Variants in BAZ1A observed in about 807,000 individuals in gnomAD.
BAZ1A encodes the protein bromodomain adjacent to zinc finger domain protein 1A.
A neutral mutation model predicts 185.2 loss-of-function variants in BAZ1A; 50 were observed. The ratio of observed to expected loss-of-function variants is 0.27; its 90% CI spans 0.22 to 0.34. The LOEUF is 0.34. Among genes scored for constraint, BAZ1A ranks in the 10% least tolerant of loss-of-function variants. The pLI is 1.00. For synonymous variants in BAZ1A, 571 were observed against 615.6 expected, an observed-to-expected ratio of 0.93 and a Z score of 1.07; for missense variants, 1,356 against 1,839.9, an observed-to-expected ratio of 0.74 and a Z score of 4.81.
At chr14:34,869,207 A>AAAAT (rs949478628) in intron 2 of BAZ1A, among the ~76,000 whole-genome samples, 7 of 151,974 alleles carry the variant, frequency 4.6e-5, no homozygotes, top group East Asian at 1.9e-4. Context: ...ACTCCGTCTC[A>AAAAT]AAATAAATAA....
chr14:34,780,050 G>T, intron 17 of BAZ1A, 136 bp downstream of exon 17: 2 of 1,093,162 alleles, frequency 1.8e-6, no homozygotes, highest in Non-Finnish European at 2.7e-6. Flanking sequence ...CTATGAGGTG[G>T]GCATTTAAAA....
chr14:34,850,282 G>A (rs1018659904), intron 3 of BAZ1A, among the ~76,000 whole-genome samples: 8 of 152,130 alleles, frequency 5.3e-5, no homozygotes, highest in Non-Finnish European at 1.2e-4. Context: ...GGAGGCTGAG[G>A]TGGGAGAATT....
At chr14:34,848,166 T>G (rs1342565137) in intron 3 of BAZ1A, among the ~76,000 whole-genome samples, 1 of 152,136 alleles carries the variant, frequency 6.6e-6, no homozygotes, top group African/African-American at 2.4e-5. Context: ...CCAGCTAATT[T>G]TCTTTTACTT....
In BAZ1A at chr14:34,830,981, C is replaced by T. The variant is rs761565169; in HGVS notation, c.393-4825G>A. Among the ~76,000 whole-genome samples the T allele has an allele frequency of 2.6e-5, 4 of 151,926 alleles. No individual in the cohort carries two copies. In the South Asian group the frequency reaches 8.3e-4, roughly 32 times the overall value. ...CATGTTGGCCAGGCTGCAGCCTCTA[C>T]AACTCTTATGCAATCCTGGGGAAGG... On this transcript the variant is annotated intron_variant, in intron 3 of 26. Transcript: ENST00000360310.
chr14:34,783,949 T>G (rs1880229432), intron 14 of BAZ1A, 22 bp from the exon 15 acceptor site: 2 of 1,563,302 alleles, frequency 1.3e-6, no homozygotes, highest in African/African-American at 2.8e-5. Flanking sequence ...TGGTAAATAC[T>G]TCTGTATTAT....
intron 20 of BAZ1A, among the ~76,000 whole-genome samples, chr14:34,773,127 C>A (rs1186272962): frequency 6.6e-6 from 1 of 152,182 alleles, no homozygotes; most frequent in Non-Finnish European, 1.5e-5. Flanking sequence ...CCAGGCTGGT[C>A]TCCAACTCCC....
rs1555336962 is a variant in BAZ1A at position 34,759,184 on chromosome 14, T to TTTTGTTTTTTTTG, written c.4244-339_4244-338insCAAAAAAAACAAA. ...TTTACAGCTACAGTTTTTTTTTTTT[T>TTTTGTTTTTTTTG]TTTTTTTTTTTTTTGAGATGGAGTC... On this transcript the variant is annotated intron_variant, in intron 24 of 26. Transcript: ENST00000360310. 6.5e-5 allele frequency among the ~76,000 whole-genome samples: 7 copies of TTTTGTTTTTTTTG among 108,108 alleles called. 1 individual carries two copies. The South Asian group carries it at 1.1e-3, about 17-fold the overall frequency. The allele number at this position is 108,108 out of a possible 152,430, so 70.9% of individuals were successfully genotyped here.
intron 23 of BAZ1A, among the ~76,000 whole-genome samples, chr14:34,763,048 A>T (rs1173671349): frequency 6.6e-6 from 1 of 152,196 alleles, no homozygotes; most frequent in East Asian, 1.9e-4. Flanking sequence ...ATACCACGCC[A>T]AGAACCTCTC....
chr14:34,800,582 A>G (rs1376236118), intron 8 of BAZ1A, among the ~76,000 whole-genome samples, 192 bp from the exon 9 acceptor site: 2 of 152,200 alleles, frequency 1.3e-5, no homozygotes, highest in Non-Finnish European at 2.9e-5. Context: ...ATGACAAACT[A>G]CAGTACTGGG....
chr14:34,809,079 A>G (rs1186485160), intron 5 of BAZ1A, among the ~76,000 whole-genome samples: 1 of 152,188 alleles, frequency 6.6e-6, no homozygotes, highest in Non-Finnish European at 1.5e-5. Flanking sequence ...CTTCATTTAC[A>G]TTGTATTAGG....
At chr14:34,856,289 C>CTTTTTTTT (rs10707416) in intron 3 of BAZ1A, among the ~76,000 whole-genome samples, 1 of 134,508 alleles carries the variant, frequency 7.4e-6, no homozygotes, top group Non-Finnish European at 1.6e-5. Context: ...TCAAGAGCAT[C>CTTTTTTTT]TTTTTTTTTT....
At chr14:34,857,981 T>G (rs972904512) in intron 3 of BAZ1A, among the ~76,000 whole-genome samples, 3 of 152,236 alleles carry the variant, frequency 2.0e-5, no homozygotes, top group African/African-American at 7.2e-5. Flanking sequence ...TTGTTTTGCA[T>G]TATTTATACT....
At chr14:34,756,466 ATTTTTTTT>A (rs1158606061) in intron 25 of BAZ1A, among the ~76,000 whole-genome samples, 43 of 79,012 alleles carry the variant, frequency 5.4e-4, no homozygotes, top group East Asian at 1.6e-3. Flanking sequence ...CAGAATACCT[ATTTTTTTT>A]TTTTTTTTTT....
chr14:34,871,676 C>T (rs966446778), intron 2 of BAZ1A, among the ~76,000 whole-genome samples: 3 of 152,222 alleles, frequency 2.0e-5, no homozygotes, highest in Non-Finnish European at 4.4e-5. Context: ...AGATCCAGAC[C>T]ATTCTGGCCA....
rs965939994 is a variant in BAZ1A at position 34,875,278 on chromosome 14, C to T, written c.-199G>A. ...CTTCTCCCGCTGCCACTGCCCGACT[C>T]CGCGCGGGGAATTGCGTCCCACCGC... On this transcript the variant is annotated 5_prime_UTR_variant, in exon 1 of 27. Coordinates refer to ENST00000360310, the MANE Select transcript of BAZ1A (RefSeq NM_013448.3). The T allele has an allele frequency of 2.6e-5, 12 of 455,460 alleles. No homozygotes were observed. The highest frequency in any genetic ancestry group is 4.4e-5 in the Non-Finnish European group (10 of 226,666). The allele number at this position is 455,460 out of a possible 1,614,324, so 28.2% of individuals were successfully genotyped here.
chr14:34,794,729 T>C lies in BAZ1A; in HGVS notation c.1363+20A>G. On this transcript the variant is annotated intron_variant, in intron 11 of 26. Transcript: ENST00000360310. ...TTTAGGATGAACTATAATGTAGCAA[T>C]AGATAACTAAAGCACTTGCCTAGGG... 2 of 1,600,966 alleles carry C rather than the reference T, an allele frequency of 1.2e-6. No individual in the cohort carries two copies. The highest frequency in any genetic ancestry group is 1.4e-5 in the African/African-American group (1 of 74,054).
intron 17 of BAZ1A, among the ~76,000 whole-genome samples, chr14:34,778,472 T>G (rs1321167831): frequency 1.3e-5 from 2 of 152,236 alleles, no homozygotes; most frequent in Non-Finnish European, 2.9e-5. Flanking sequence ...TGTGTAAGAT[T>G]GGAATTATCT....
At chr14:34,817,263 ACT>A (rs1205105098) in intron 4 of BAZ1A, among the ~76,000 whole-genome samples, 1 of 151,890 alleles carries the variant, frequency 6.6e-6, no homozygotes, top group African/African-American at 2.4e-5. Context: ...TATTTTTAAA[ACT>A]CTGGTGGTCA....
chr14:34,816,883 GAT>G (rs1159590498), intron 4 of BAZ1A: 1 of 426,692 alleles, frequency 2.3e-6, no homozygotes, highest in African/African-American at 2.0e-5. Context: ...CACACAATGT[GAT>G]CTCACCAAAT....
Sources: allele counts gnomAD v4.1 joint callset (sites outside exome capture counted in the v4.1 genomes callset), GRCh38; gene constraint gnomAD v4.1.1; transcripts MANE v1.5; gene names NCBI Gene and HGNC (gene_info 2026-07-23, HGNC 2026-07-21).